The following MFSD1 variants were observed in gnomAD, a reference collection of about 807,000 sequenced individuals.
MFSD1 encodes the protein major facilitator superfamily domain containing 1.
MFSD1 carries 59 observed loss-of-function variants against 67.1 expected under a neutral mutation model. The observed-to-expected ratio is 0.88, with a 90% CI of 0.71 to 1.09. The LOEUF (loss-of-function observed/expected upper bound fraction) is 1.09, where lower values mean the gene tolerates loss of function less well. MFSD1 is among the 50% of genes least tolerant of loss of function. The probability of loss-of-function intolerance (pLI) is 0.00; values close to 1 mark genes in which losing one functional copy is unlikely to be tolerated. For synonymous variants in MFSD1, 213 were observed against 200.3 expected, an observed-to-expected ratio of 1.06 and a Z score of -0.54; for missense variants, 552 against 566.1, an observed-to-expected ratio of 0.97 and a Z score of 0.25.
intron 3 of MFSD1, 68 bp from the exon 4 acceptor site, chr3:158,806,972 G>A: frequency 2.9e-6 from 4 of 1,381,244 alleles, no homozygotes; most frequent in Admixed American, 2.0e-5. Context: ...TAATACTAAT[G>A]TAAACAGAAA....
Position 158,820,218 on chromosome 3 carries a change from A to C in MFSD1, c.755A>C (p.Glu252Ala). The change falls in exon 9 of 16, where the codon GAA becomes GCA. Residue 252 changes from glutamate to alanine, a missense_variant. Physicochemically the swap from Glu to Ala is moderately radical, Grantham distance 107. Coordinates refer to ENST00000415822, the MANE Select transcript of MFSD1 (RefSeq NM_022736.4). Reference protein sequence around the residue: ...ILHKEQGKTGEVIKLTDVKDF... With the variant: ...ILHKEQGKTGAVIKLTDVKDF... ...TGTCTTCCCTTTCTTCTCTAAGGTG[A>C]AGTTATTAAATTAACTGATGTAAAG... 1 of 1,557,284 alleles carries C rather than the reference A, an allele frequency of 6.4e-7. No homozygotes were observed. The highest frequency in any genetic ancestry group is 2.2e-5 in the East Asian group (1 of 44,504).
At chr3:158,803,740 C>G (rs1230149794) in intron 1 of MFSD1, among the ~76,000 whole-genome samples, 1 of 152,216 alleles carries the variant, frequency 6.6e-6, no homozygotes, top group Non-Finnish European at 1.5e-5. Context: ...CCCTACTTCT[C>G]TCTTTCCAGT....
At chr3:158,824,083 T>C (rs1163292406) in intron 12 of MFSD1, 41 bp from the exon 13 acceptor site, 2 of 1,431,770 alleles carry the variant, frequency 1.4e-6, no homozygotes, top group African/African-American at 1.4e-5. Flanking sequence ...GTGTGAAGAC[T>C]TTTGAAAATG....
Position 158,818,161 on chromosome 3 carries a change from A to T in MFSD1, c.653-1488A>T, listed in dbSNP as rs140848170. Among the ~76,000 whole-genome samples, 2 of 152,116 alleles carry T rather than the reference A, an allele frequency of 1.3e-5. 1 individual carries two copies. The highest frequency in any genetic ancestry group is 4.8e-5 in the African/African-American group (2 of 41,406). ...GCAGGGCTGTAGAGAGACCTGTGTGATGATAGGGTGAAAGTTCTGTGCCCA... is the reference window on the plus strand; with the variant it reads ...GCAGGGCTGTAGAGAGACCTGTGTGTTGATAGGGTGAAAGTTCTGTGCCCA... On this transcript the variant is annotated intron_variant, in intron 7 of 15. Transcript: ENST00000415822.
intron 6 of MFSD1, among the ~76,000 whole-genome samples, chr3:158,811,692 A>T (rs1730032173): frequency 6.6e-6 from 1 of 152,248 alleles, no homozygotes; most frequent in Admixed American, 6.5e-5. Flanking sequence ...ACTGCGTGAA[A>T]TGCTATTGAT....
chr3:158,822,999 T>C (rs187440946), intron 11 of MFSD1: 20 of 164,438 alleles, frequency 1.2e-4, no homozygotes, highest in Admixed American at 5.1e-4. Flanking sequence ...TGGTGATTAC[T>C]GGGTATTGGT....
chr3:158,804,219 C>T (rs1055383974), intron 1 of MFSD1, 100 bp from the exon 2 acceptor site: 15 of 745,502 alleles, frequency 2.0e-5, no homozygotes, highest in Admixed American at 1.1e-4. Flanking sequence ...AGTGTCAACC[C>T]GTAGTATCAG....
chr3:158,827,501 A>C (rs940066164), intron 15 of MFSD1, among the ~76,000 whole-genome samples, 164 bp downstream of exon 15: 1 of 151,440 alleles, frequency 6.6e-6, no homozygotes, highest in Admixed American at 6.6e-5. Flanking sequence ...TGAAGCCTCA[A>C]CTTCCTCAGC....
intron 13 of MFSD1, among the ~76,000 whole-genome samples, chr3:158,824,946 G>T (rs556385197): frequency 6.6e-6 from 1 of 152,076 alleles, no homozygotes; most frequent in Non-Finnish European, 1.5e-5. Context: ...ATAAATAAAC[G>T]TGCTTGTTTT....
In MFSD1 at chr3:158,807,436, T is replaced by A. The variant is rs577437435; in HGVS notation, c.413T>A (p.Leu138Gln). The A allele has an allele frequency of 6.2e-7, 1 of 1,612,982 alleles. No individual in the cohort carries two copies. The highest frequency in any genetic ancestry group is 1.3e-5 in the African/African-American group (1 of 75,016). Residue 138 changes from leucine (L) to glutamine (Q), a missense_variant, in exon 5 of 16, where the codon CTG becomes CAG. Physicochemically the swap from Leu to Gln is moderately radical, Grantham distance 113. Transcript: ENST00000415822. ...GGTGGAATATTTAATGCTTTTTGGCTGATGGAATTTGGAAGATTTGTATTT... is the reference window on the plus strand; with the variant it reads ...GGTGGAATATTTAATGCTTTTTGGCAGATGGAATTTGGAAGATTTGTATTT... ...ALGGIFNAFWLMEFGRFVFGI... is the reference protein window; with the variant it reads ...ALGGIFNAFWQMEFGRFVFGI...
intron 13 of MFSD1, chr3:158,824,461 A>G: frequency 2.2e-6 from 1 of 458,068 alleles, no homozygotes; most frequent in South Asian, 3.2e-5. Context: ...AACTATTTAC[A>G]GTTTAAAAAA....
At chr3:158,821,708 T>C in intron 10 of MFSD1, 55 bp downstream of exon 10, 1 of 1,378,606 alleles carries the variant, frequency 7.3e-7, no homozygotes, top group Non-Finnish European at 1.0e-6. Context: ...TGGGTCTTTA[T>C]AATCAAATGT....
Position 158,809,269 on chromosome 3 carries a change from A to G in MFSD1, c.531A>G (p.Gln177=). 1 of 1,607,060 alleles carries G rather than the reference A, an allele frequency of 6.2e-7. No homozygotes were observed. The highest frequency in any genetic ancestry group is 8.5e-7 in the Non-Finnish European group (1 of 1,177,092). Residue 177 remains glutamine, a synonymous_variant, in exon 6 of 16, where the codon CAA becomes CAG. Coordinates refer to ENST00000415822, the MANE Select transcript of MFSD1 (RefSeq NM_022736.4). ...GKELNLVFGL[Q]LSMARIGSTV... ...AATTAAACCTGGTGTTTGGACTTCA[A>G]CTTAGCATGGCTAGAATTGTAAGTA...
chr3:158,807,266 A>C, intron 4 of MFSD1, 130 bp from the exon 5 acceptor site: 1 of 943,966 alleles, frequency 1.1e-6, no homozygotes, highest in Non-Finnish European at 1.6e-6. Flanking sequence ...TAATATTTTA[A>C]CTTCACAGAT....
chr3:158,819,910 A>T (rs1252887738), intron 8 of MFSD1, among the ~76,000 whole-genome samples, 163 bp downstream of exon 8: 1 of 152,032 alleles, frequency 6.6e-6, no homozygotes, highest in South Asian at 2.1e-4. Flanking sequence ...AAATTTTTAG[A>T]TGTATTTTCT....
chr3:158,807,080 C>T lies in MFSD1; in HGVS notation c.370C>T (p.Gln124Ter). 1.2e-6 allele frequency: 2 copies of T among 1,611,388 alleles called. No homozygotes were observed. Among genetic ancestry groups the T allele is most frequent in the Non-Finnish European group, 1.7e-6 (2 of 1,178,522 alleles). ...IIFSCFVCIG[Q>*]VVFALGGIFN... Reference sequence around the variant, plus strand: ...TTTTAGCTGCTTTGTTTGCATTGGACAGGTAAGGAAGGCCAAAACATTCAT... The same window carrying T: ...TTTTAGCTGCTTTGTTTGCATTGGATAGGTAAGGAAGGCCAAAACATTCAT... The change falls in exon 4 of 16, where the codon CAG becomes TAG. Residue 124 changes from glutamine (Q) to a stop codon, truncating the protein, a stop_gained and splice_region_variant. Transcript: ENST00000415822. LOFTEE classifies it high-confidence loss of function.
chr3:158,827,222 G>T, intron 14 of MFSD1, 58 bp from the exon 15 acceptor site: 1 of 1,115,802 alleles, frequency 9.0e-7, no homozygotes, highest in South Asian at 1.5e-5. Flanking sequence ...ATGTATGGTT[G>T]AAATTTACTT....
chr3:158,805,334 A>C, intron 2 of MFSD1, 28 bp from the exon 3 acceptor site: 1 of 1,538,746 alleles, frequency 6.5e-7, no homozygotes, highest in Admixed American at 1.7e-5. Context: ...TGTTTGGAAA[A>C]AAATAGTTTT....
chr3:158,813,877 T>C (rs754109897), intron 6 of MFSD1, 88 bp from the exon 7 acceptor site: 1 of 819,616 alleles, frequency 1.2e-6, no homozygotes, highest in Non-Finnish European at 1.9e-6. Context: ...GGATCCTACT[T>C]CTGAGCCACC....
Sources: allele counts gnomAD v4.1 joint callset (sites outside exome capture counted in the v4.1 genomes callset), GRCh38; gene constraint gnomAD v4.1.1; transcripts MANE v1.5; gene names NCBI Gene and HGNC (gene_info 2026-07-23, HGNC 2026-07-21).